HIGD1C: variants seen among roughly 807,000 people sequenced by gnomAD.
The protein encoded by HIGD1C is HIG1 domain family member 1C.
HIGD1C carries 11 observed loss-of-function variants against 13.1 expected under a neutral mutation model. The observed-to-expected ratio is 0.84, with a 90% CI of 0.53 to 1.39. HIGD1C has a LOEUF of 1.39. Ranked by LOEUF, HIGD1C falls within the 40% of genes most tolerant of loss-of-function variation. The pLI is 0.00. For synonymous variants in HIGD1C, 36 were observed against 37.7 expected (o/e 0.95, Z 0.17); for missense variants, 110 against 112.0 (o/e 0.98, Z 0.08).
chr12:50,964,045 A>T (rs1210464240), intron 2 of HIGD1C, among the ~76,000 whole-genome samples: 1 of 152,208 alleles, frequency 6.6e-6, no homozygotes, highest in East Asian at 1.9e-4. Context: ...GAGCTGAATC[A>T]CATTCCCCTT....
chr12:50,947,736 A>G, the HIGD1C span, among the ~76,000 whole-genome samples: 1 of 152,208 alleles, frequency 6.6e-6, no homozygotes. Context: ...CAGCGAAACC[A>G]GCAAATATAT....
intron 1 of HIGD1C, among the ~76,000 whole-genome samples, chr12:50,959,620 T>C (rs953614131): frequency 2.0e-5 from 3 of 152,030 alleles, no homozygotes; most frequent in African/African-American, 7.2e-5. Flanking sequence ...TTCCAGTATC[T>C]GGGTTTATTT....
At chr12:50,934,329 A>G in the HIGD1C span, among the ~76,000 whole-genome samples, 1 of 152,208 alleles carries the variant, frequency 6.6e-6, no homozygotes, top group African/African-American at 2.4e-5. Context: ...TGGTTGTGTC[A>G]TTGGTTGAGT....
chr12:50,960,681 C>T lies in HIGD1C; in HGVS notation c.95-287C>T, dbSNP rs959861806. ...ATTCTTGCCTGCTGTGTATTTAACC[C>T]ATACATTTTTTTTTTTCTAGAGACA... On this transcript the variant is annotated intron_variant, in intron 1 of 2. Coordinates refer to ENST00000398455, the Ensembl canonical transcript of HIGD1C. Among the ~76,000 whole-genome samples, 18 of 146,368 alleles carry T rather than the reference C, an allele frequency of 1.2e-4. 1 individual carries two copies. Among genetic ancestry groups the T allele is most frequent in the Admixed American group, 1.2e-3 (18 of 14,752 alleles).
chr12:50,960,917 C>T (rs1234818955), intron 1 of HIGD1C, 51 bp from the exon 4 acceptor site: 10 of 1,407,808 alleles, frequency 7.1e-6, no homozygotes, highest in African/African-American at 2.9e-5. Context: ...TGGTCTCACA[C>T]GATGCTCCTG....
chr12:50,961,115 A>G lies in HIGD1C; in HGVS notation c.229+13A>G. On this transcript the variant is annotated intron_variant, in intron 2 of 2. Coordinates refer to ENST00000398455, the Ensembl canonical transcript of HIGD1C. Reference sequence around the variant, plus strand: ...GCTGTGACTCTAGGTAACCCGCTTAATTTGTATCTTATGTTCAGCTGTCTT... The same window carrying G: ...GCTGTGACTCTAGGTAACCCGCTTAGTTTGTATCTTATGTTCAGCTGTCTT... 6.2e-7 allele frequency: 1 copy of G among 1,613,206 alleles called. No individual in the cohort carries two copies. Among genetic ancestry groups the G allele is most frequent in the Non-Finnish European group, 8.5e-7 (1 of 1,179,480 alleles).
chr12:50,952,825 T>C (rs184982821), upstream of HIGD1C, among the ~76,000 whole-genome samples: 22 of 152,270 alleles, frequency 1.4e-4, no homozygotes, highest in East Asian at 3.7e-3. Context: ...TGGCCTCTGA[T>C]GGCTATCTTC....
chr12:50,963,956 T>A (rs1939444143), intron 2 of HIGD1C, among the ~76,000 whole-genome samples: 1 of 152,184 alleles, frequency 6.6e-6, no homozygotes. Flanking sequence ...CCCTTGTATA[T>A]CCAAAAGCAT....
chr12:50,963,535 T>C (rs1356506295), intron 2 of HIGD1C, among the ~76,000 whole-genome samples: 2 of 151,978 alleles, frequency 1.3e-5, no homozygotes, highest in African/African-American at 4.8e-5. Context: ...AGGTGAAATA[T>C]AGAAAATGCC....
chr12:50,939,519 A>C, the HIGD1C span, among the ~76,000 whole-genome samples: 9 of 152,144 alleles, frequency 5.9e-5, no homozygotes, highest in Non-Finnish European at 1.2e-4. Context: ...ATAAAATCGA[A>C]TTTAAGCCGC....
chr12:50,959,804 C>T (rs1031229437), intron 1 of HIGD1C, among the ~76,000 whole-genome samples: 2 of 152,134 alleles, frequency 1.3e-5, no homozygotes, highest in Admixed American at 6.6e-5. Flanking sequence ...TGTACCACCA[C>T]GCCCGGCTAA....
upstream of HIGD1C, among the ~76,000 whole-genome samples, chr12:50,953,165 G>T (rs1029582423): frequency 1.3e-5 from 2 of 152,146 alleles, no homozygotes; most frequent in Non-Finnish European, 2.9e-5. Flanking sequence ...ATTGCACATC[G>T]TGTCCTGGCC....
At chr12:50,967,769 A>G (rs1939595180) in intron 2 of HIGD1C, among the ~76,000 whole-genome samples, 1 of 152,156 alleles carries the variant, frequency 6.6e-6, no homozygotes, top group Non-Finnish European at 1.5e-5. Flanking sequence ...TCTAATTCCA[A>G]ACTGTATCAG....
chr12:50,964,427 A>T (rs1271985200), intron 2 of HIGD1C, among the ~76,000 whole-genome samples: 2 of 152,220 alleles, frequency 1.3e-5, no homozygotes, highest in Admixed American at 6.5e-5. Context: ...CATTGTCTTT[A>T]ATCACAGGAC....
chr12:50,956,494 G>C (rs953373708), intron 1 of HIGD1C, among the ~76,000 whole-genome samples: 6 of 152,314 alleles, frequency 3.9e-5, no homozygotes, highest in African/African-American at 1.2e-4. Context: ...AGGGTCCTAT[G>C]CAGGTAACTT....
the HIGD1C span, chr12:50,931,736 A>C: frequency 6.8e-6 from 1 of 146,330 alleles, no homozygotes; most frequent in Admixed American, 6.8e-5. Flanking sequence ...AAAAAAAAAG[A>C]AGTAGAGACA....
At chr12:50,935,682 T>C in the HIGD1C span, among the ~76,000 whole-genome samples, 4 of 151,986 alleles carry the variant, frequency 2.6e-5, no homozygotes, top group Non-Finnish European at 5.9e-5. Context: ...AGAGATAGGG[T>C]CTCACCGTGT....
intron 1 of HIGD1C, among the ~76,000 whole-genome samples, chr12:50,954,634 G>C (rs1939022749): frequency 6.6e-6 from 1 of 152,048 alleles, no homozygotes; most frequent in Non-Finnish European, 1.5e-5. Context: ...GCCGAGGTGG[G>C]AGGATTGCTT....
chr12:50,971,637 T>C (rs1939764171), downstream of HIGD1C, among the ~76,000 whole-genome samples: 1 of 152,194 alleles, frequency 6.6e-6, no homozygotes, highest in Non-Finnish European at 1.5e-5. Flanking sequence ...TTAACTAGGC[T>C]TTGCTGAAGA....
Sources: gnomAD v4.1 joint callset for allele counts (sites outside exome capture counted in the v4.1 genomes callset) on GRCh38, gnomAD v4.1.1 for gene constraint, MANE v1.5 for transcripts, NCBI Gene and HGNC (gene_info 2026-07-23, HGNC 2026-07-21) for gene names.